The following IL10RA variants were observed in gnomAD, a reference collection of about 807,000 sequenced individuals.
IL10RA encodes the protein interleukin 10 receptor subunit alpha, also known as interleukin-10 receptor subunit alpha.
In IL10RA, 18 loss-of-function variants were observed where a neutral mutation model predicts 29.6. The ratio of observed to expected loss-of-function variants is 0.61; its 90% CI spans 0.42 to 0.90. The LOEUF (loss-of-function observed/expected upper bound fraction) is 0.90, where lower values mean the gene tolerates loss of function less well. Among genes scored for constraint, IL10RA ranks in the 40% least tolerant of loss-of-function variants. IL10RA has a pLI of 0.00. For synonymous variants in IL10RA, 292 were observed against 294.1 expected, an observed-to-expected ratio of 0.99 and a Z score of 0.07; for missense variants, 634 against 716.6, an observed-to-expected ratio of 0.88 and a Z score of 1.32.
chr11:117,994,073 G>C lies in IL10RA; in HGVS notation c.612G>C (p.Gln204His). ...GAGAAGTGGGAGAGTTCTGTGTCCA[G>C]GTGAAACCATCTGTCGCTTCCCGAA... ...TSGEVGEFCV[Q>H]VKPSVASRSN... The change falls in exon 5 of 7, where the codon CAG (glutamine) becomes CAC (histidine). Residue 204 changes from glutamine to histidine, a missense_variant. Transcript: ENST00000227752. The C allele has an allele frequency of 6.2e-7, 1 of 1,614,096 alleles. No individual in the cohort carries two copies. Among genetic ancestry groups the C allele is most frequent in the Non-Finnish European group, 8.5e-7 (1 of 1,179,944 alleles).
intron 1 of IL10RA, 136 bp downstream of exon 1, chr11:117,986,670 A>C: frequency 1.3e-6 from 2 of 1,536,272 alleles, no homozygotes; most frequent in South Asian, 2.4e-5. Context: ...TACTCTGGCA[A>C]ACCTGGATCT....
intron 3 of IL10RA, chr11:117,992,918 A>C (rs928985130): frequency 1.7e-5 from 6 of 355,082 alleles, no homozygotes; most frequent in African/African-American, 8.3e-5. Flanking sequence ...GTGAATATCC[A>C]GTTTTCCCAA....
At chr11:117,993,954 C>A (rs1265142545) in intron 4 of IL10RA, 45 bp from the exon 5 acceptor site, 1 of 1,574,722 alleles carries the variant, frequency 6.4e-7, no homozygotes, top group South Asian at 1.1e-5. Flanking sequence ...GTCCGTGTGC[C>A]ATGAAATAAA....
chr11:117,995,850 C>A (rs901324253), intron 6 of IL10RA, 140 bp downstream of exon 6: 1 of 910,490 alleles, frequency 1.1e-6, no homozygotes, highest in Non-Finnish European at 1.7e-6. Context: ...TTGGGAGATA[C>A]CTTCATCAAG....
In IL10RA at chr11:117,999,638, G is replaced by A. The variant is rs776586591; in HGVS notation, c.1734G>A (p.Glu578=). 3.1e-6 allele frequency: 5 copies of A among 1,613,276 alleles called. No individual in the cohort carries two copies. Among genetic ancestry groups the A allele is most frequent in the East Asian group, 2.2e-5 (1 of 44,866 alleles). The change falls in exon 7 of 7, where the codon GAG becomes GAA. Residue 578 remains glutamate (E), a synonymous_variant. Coordinates refer to ENST00000227752, the MANE Select transcript of IL10RA (RefSeq NM_001558.4). The part of the protein sequence containing the change: ...LPLISSLQSS[E] ...TCATCTCTAGCCTGCAGTCAAGTGAGTGACTCGGGCTGAGAGGCTGCTTTT... is the reference window on the plus strand; with the variant it reads ...TCATCTCTAGCCTGCAGTCAAGTGAATGACTCGGGCTGAGAGGCTGCTTTT...
intron 1 of IL10RA, chr11:117,986,840 G>C: frequency 6.8e-7 from 1 of 1,469,072 alleles, no homozygotes. Context: ...GTTTTTTGCT[G>C]TTTAGGTTCA....
intron 3 of IL10RA, among the ~76,000 whole-genome samples, chr11:117,992,477 G>C (rs2058029802): frequency 6.6e-6 from 1 of 151,916 alleles, no homozygotes; most frequent in Non-Finnish European, 1.5e-5. Flanking sequence ...TGTATCTGTT[G>C]GTCATTTGTA....
Position 117,999,901 on chromosome 11 carries a change from C to G in IL10RA, c.*260C>G. The G allele has an allele frequency of 1.5e-6, 1 of 659,248 alleles. No individual in the cohort carries two copies. The highest frequency in any genetic ancestry group is 2.8e-6 in the Non-Finnish European group (1 of 358,710). The allele number at this position is 659,248 out of a possible 1,614,324, so 40.8% of individuals were successfully genotyped here. On this transcript the variant is annotated 3_prime_UTR_variant, in exon 7 of 7. Transcript: ENST00000227752. ...TGGGGCCCTGCAGACTCTGGCAGAG[C>G]TGAGAAGGGCAGGGACCTTCTCCCT...
At chr11:117,992,079 A>G (rs1224364885) in intron 3 of IL10RA, among the ~76,000 whole-genome samples, 1 of 152,120 alleles carries the variant, frequency 6.6e-6, no homozygotes, top group Non-Finnish European at 1.5e-5. Flanking sequence ...TGTTGTATAT[A>G]CATACCACAT....
chr11:117,999,547 T>C lies in IL10RA; in HGVS notation c.1643T>C (p.Leu548Pro). 6.2e-7 allele frequency: 1 copy of C among 1,614,188 alleles called. No homozygotes were observed. Among genetic ancestry groups the C allele is most frequent in the South Asian group, 1.1e-5 (1 of 91,088 alleles). Residue 548 changes from leucine (L) to proline (P), a missense_variant, in exon 7 of 7, where the codon CTA becomes CCA. Leu to Pro is a moderately conservative substitution (Grantham distance 98). Coordinates refer to ENST00000227752, the MANE Select transcript of IL10RA (RefSeq NM_001558.4). ...AGCTTTGCCCATGACCTTGCCCCTC[T>C]AGGCTGTGTGGCAGCCCCAGGTGGT... ...DWSFAHDLAP[L>P]GCVAAPGGLL...
chr11:117,987,773 G>A (rs1411531640), intron 1 of IL10RA: 3 of 169,260 alleles, frequency 1.8e-5, no homozygotes, highest in Admixed American at 1.7e-4. Flanking sequence ...CATGTGTAGA[G>A]CCAGAGCTGA....
chr11:117,995,420 A>G, intron 5 of IL10RA, 169 bp from the exon 6 acceptor site: 1 of 786,600 alleles, frequency 1.3e-6, no homozygotes, highest in Non-Finnish European at 2.2e-6. Flanking sequence ...CCAGGTAGGG[A>G]TTCGCAGAAA....
At chr11:117,993,538 G>A in intron 4 of IL10RA, 128 bp downstream of exon 4, 1 of 810,338 alleles carries the variant, frequency 1.2e-6, no homozygotes, top group East Asian at 2.6e-5. Context: ...GATGGTGGGT[G>A]GGCAGAGGAG....
chr11:117,993,921 C>A lies in IL10RA; in HGVS notation c.538-78C>A, dbSNP rs572820332. ...TGAAGGGGGTTGGCTGAAATCACCT[C>A]TAAAGGCCCACCAGCTCTCAGTGTC... On this transcript the variant is annotated intron_variant, in intron 4 of 6. Coordinates refer to ENST00000227752, the MANE Select transcript of IL10RA (RefSeq NM_001558.4). 3.0e-6 allele frequency: 4 copies of A among 1,348,804 alleles called. No individual in the cohort carries two copies. The African/African-American group carries it at 4.3e-5, about 15-fold the overall frequency. The allele number at this position is 1,348,804 out of a possible 1,614,324, so 83.6% of individuals were successfully genotyped here.
In IL10RA at chr11:117,999,415, T is replaced by C; in HGVS notation, c.1511T>C (p.Met504Thr). The C allele has an allele frequency of 6.2e-7, 1 of 1,614,182 alleles. No homozygotes were observed. The highest frequency in any genetic ancestry group is 8.5e-7 in the Non-Finnish European group (1 of 1,180,036). ...KGYLKQDPLEMTLASSGAPTG... is the reference protein window; with the variant it reads ...KGYLKQDPLETTLASSGAPTG... ...TATTTGAAACAGGATCCTCTAGAAATGACTCTGGCTTCCTCAGGGGCCCCA... is the reference window on the plus strand; with the variant it reads ...TATTTGAAACAGGATCCTCTAGAAACGACTCTGGCTTCCTCAGGGGCCCCA... The change falls in exon 7 of 7, where the codon ATG becomes ACG. Residue 504 changes from methionine (M) to threonine (T), a missense_variant. Met to Thr is a moderately conservative substitution (Grantham distance 81). Coordinates refer to ENST00000227752, the MANE Select transcript of IL10RA (RefSeq NM_001558.4).
At chr11:117,996,524 G>T (rs1358677076) in intron 6 of IL10RA, among the ~76,000 whole-genome samples, 2 of 152,226 alleles carry the variant, frequency 1.3e-5, no homozygotes, top group Non-Finnish European at 2.9e-5. Flanking sequence ...ATTGCATGAT[G>T]GCTGAGGGAT....
intron 5 of IL10RA, chr11:117,995,237 A>C: frequency 2.7e-6 from 1 of 377,084 alleles, no homozygotes; most frequent in Non-Finnish European, 5.1e-6. Context: ...CACAGCTAGT[A>C]AGTGGTGAAG....
Position 117,989,306 on chromosome 11 carries a change from A to G in IL10RA, c.189-136A>G. 1 of 806,206 alleles carries G rather than the reference A, an allele frequency of 1.2e-6. No individual in the cohort carries two copies. Among genetic ancestry groups the G allele is most frequent in the South Asian group, 1.4e-5 (1 of 72,026 alleles). 49.9% of individuals were successfully genotyped at this position (806,206 alleles called of 1,614,324 possible). On this transcript the variant is annotated intron_variant, in intron 2 of 6. Transcript: ENST00000227752. This position sits in a 1 kb window ranked among gnomAD's most constrained non-coding sequence, Gnocchi z 4.5. ...GACCCCTCACAATGAGCTGCCGTGG[A>G]CTAGAGGATATAGCCTGAGGGCTGT...
intron 1 of IL10RA, chr11:117,987,713 T>C (rs1208056894): frequency 6.3e-6 from 1 of 159,902 alleles, no homozygotes; most frequent in Non-Finnish European, 1.4e-5. Context: ...TGGTATTGAG[T>C]ATCTCTCCTC....
Sources: gnomAD v4.1 joint callset for allele counts (sites outside exome capture counted in the v4.1 genomes callset) on GRCh38, gnomAD v4.1.1 for gene constraint, Gnocchi (gnomAD v3.1) non-coding constraint, MANE v1.5 for transcripts, NCBI Gene and HGNC (gene_info 2026-07-23, HGNC 2026-07-21) for gene names.